Variants in RAD18 observed in about 807,000 individuals in gnomAD.
RAD18 encodes the protein RAD18 E3 ubiquitin protein ligase, also known as E3 ubiquitin-protein ligase RAD18.
A neutral mutation model predicts 60.4 loss-of-function variants in RAD18; 47 were observed. The ratio of observed to expected loss-of-function variants is 0.78; its 90% CI spans 0.62 to 0.99. The LOEUF (loss-of-function observed/expected upper bound fraction) is 0.99, where lower values mean the gene tolerates loss of function less well. RAD18 is among the 50% of genes least tolerant of loss of function. RAD18 has a pLI of 0.00. For synonymous variants in RAD18, 225 were observed against 195.5 expected, an observed-to-expected ratio of 1.15 and a Z score of -1.26; for missense variants, 640 against 593.3, an observed-to-expected ratio of 1.08 and a Z score of -0.82.
chr3:8,922,815 T>G (rs550616527), intron 7 of RAD18, among the ~76,000 whole-genome samples: 34 of 152,182 alleles, frequency 2.2e-4, no homozygotes, highest in Non-Finnish European at 3.8e-4. Flanking sequence ...GGGTCTGGAG[T>G]GGACCTCTGG....
chr3:8,883,209 G>A (rs995958175), intron 12 of RAD18, among the ~76,000 whole-genome samples: 1 of 152,082 alleles, frequency 6.6e-6, no homozygotes, highest in African/African-American at 2.4e-5. Flanking sequence ...AAGAACTATG[G>A]ATAATAAATA....
chr3:8,918,929 A>C (rs1352534790), intron 7 of RAD18, among the ~76,000 whole-genome samples: 1 of 152,212 alleles, frequency 6.6e-6, no homozygotes, highest in Non-Finnish European at 1.5e-5. Flanking sequence ...TCTACACCCC[A>C]TCCAATGATG....
chr3:8,927,507 C>T (rs1338233123), intron 7 of RAD18, among the ~76,000 whole-genome samples: 1 of 152,206 alleles, frequency 6.6e-6, no homozygotes, highest in East Asian at 1.9e-4. Context: ...TGTGGCAATT[C>T]CTCAGGGATC....
Position 8,912,347 on chromosome 3 carries a change from G to C in RAD18, c.992C>G (p.Thr331Arg), listed in dbSNP as rs756750695. ...ESVMVFTKDQ[T>R]EKEIDEIHSK... Reference sequence around the variant, plus strand: ...GTGGATTTCATCTATTTCCTTTTCTGTTTGGTCCTTTGTAAAAACCATTAC... The same window carrying C: ...GTGGATTTCATCTATTTCCTTTTCTCTTTGGTCCTTTGTAAAAACCATTAC... Residue 331 changes from threonine (T) to arginine (R), a missense_variant, in exon 9 of 13, where the codon ACA (threonine) becomes AGA (arginine). Physicochemically the swap from Thr to Arg is moderately conservative, Grantham distance 71. Coordinates refer to ENST00000264926, the MANE Select transcript of RAD18 (RefSeq NM_020165.4). 1 of 1,562,374 alleles carries C rather than the reference G, an allele frequency of 6.4e-7. No individual in the cohort carries two copies. The highest frequency in any genetic ancestry group is 8.6e-7 in the Non-Finnish European group (1 of 1,157,178).
intron 7 of RAD18, among the ~76,000 whole-genome samples, chr3:8,930,278 C>T (rs1940529419): frequency 6.6e-6 from 1 of 152,256 alleles, no homozygotes; most frequent in Non-Finnish European, 1.5e-5. Context: ...ACCTTGAAAA[C>T]ATTATACTAA....
At chr3:8,920,293 A>AG (rs1381469858) in intron 7 of RAD18, among the ~76,000 whole-genome samples, 12 of 151,340 alleles carry the variant, frequency 7.9e-5, no homozygotes, top group East Asian at 1.9e-4. Flanking sequence ...AAAAAAAAAA[A>AG]AAAAAGAAAA....
At chr3:8,916,792 C>A (rs1341846021) in intron 7 of RAD18, among the ~76,000 whole-genome samples, 1 of 150,514 alleles carries the variant, frequency 6.6e-6, no homozygotes, top group Non-Finnish European at 1.5e-5. Flanking sequence ...ATCTGAAACA[C>A]AGAGAGAGAA....
chr3:8,905,289 T>C (rs1939984491), intron 9 of RAD18, among the ~76,000 whole-genome samples: 2 of 152,182 alleles, frequency 1.3e-5, no homozygotes, highest in Admixed American at 1.3e-4. Context: ...TTTGTGCCTC[T>C]CTAAGTTTAA....
intron 2 of RAD18, among the ~76,000 whole-genome samples, chr3:8,950,844 G>A (rs1940915598): frequency 2.0e-5 from 3 of 152,296 alleles, no homozygotes; most frequent in Admixed American, 1.3e-4. Flanking sequence ...AATCAAAAAG[G>A]AATGCTAGCG....
At chr3:8,929,767 G>A (rs1940518664) in intron 7 of RAD18, among the ~76,000 whole-genome samples, 2 of 152,046 alleles carry the variant, frequency 1.3e-5, no homozygotes, top group East Asian at 1.9e-4. Flanking sequence ...TCAGCCTCCT[G>A]AGTAGCTGGG....
rs1289984097 is a variant in RAD18 at position 8,877,718 on chromosome 3, G to C, written c.*3639C>G. The stretch of plus-strand genomic sequence containing the variant: ...CCTTCTGATCTACAAGCTCCATCAG[G>C]GCAGGAACTGTCTTTGTTTTGCACA... On this transcript the variant is annotated 3_prime_UTR_variant, in exon 13 of 13. Coordinates refer to ENST00000264926, the MANE Select transcript of RAD18 (RefSeq NM_020165.4). The C allele has an allele frequency of 2.0e-5, 3 of 152,164 alleles. No homozygotes were observed. Among genetic ancestry groups the C allele is most frequent in the African/African-American group, 7.2e-5 (3 of 41,400 alleles). 9.4% of individuals were successfully genotyped at this position (152,164 alleles called of 1,614,324 possible).
intron 7 of RAD18, among the ~76,000 whole-genome samples, chr3:8,915,614 C>T (rs1317560284): frequency 2.0e-5 from 3 of 148,970 alleles, no homozygotes; most frequent in Non-Finnish European, 3.0e-5. Flanking sequence ...GACTGAGTCT[C>T]GCTCTGTCAC....
In RAD18 at chr3:8,896,449, A is replaced by G. The variant is rs539972981; in HGVS notation, c.1322+2445T>C. On this transcript the variant is annotated intron_variant, in intron 11 of 12. Transcript: ENST00000264926. ...GCAAAAAAAAGCAGAAGAAAGCATT[A>G]TATCTGAATTCAGAAAACTGGCTTT... 2.0e-5 allele frequency among the ~76,000 whole-genome samples: 3 copies of G among 152,326 alleles called. No individual in the cohort carries two copies. The South Asian group carries it at 6.2e-4, about 32-fold the overall frequency.
chr3:8,957,335 A>G (rs1200256978), intron 2 of RAD18, among the ~76,000 whole-genome samples: 2 of 152,194 alleles, frequency 1.3e-5, no homozygotes, highest in South Asian at 2.1e-4. Flanking sequence ...TAAGTTATAC[A>G]TGGAAATGCA....
chr3:8,898,381 C>CGTGTGTGTGT lies in RAD18; in HGVS notation c.1322+503_1322+512dup, dbSNP rs59853617. Among the ~76,000 whole-genome samples, 446 of 148,450 alleles carry CGTGTGTGTGT rather than the reference C, an allele frequency of 3.0e-3. 2 individuals carry two copies. Among genetic ancestry groups the CGTGTGTGTGT allele is most frequent in the African/African-American group, 0.011 (438 of 40,378 alleles). On this transcript the variant is annotated intron_variant, in intron 11 of 12. Coordinates refer to ENST00000264926, the MANE Select transcript of RAD18 (RefSeq NM_020165.4). ...AAAAACTGGTATGTGTGTGTGCATG[C>CGTGTGTGTGT]GTGTGTGTGTGTGTGTGTGTGTGTG...
intron 2 of RAD18, among the ~76,000 whole-genome samples, chr3:8,958,322 T>C (rs1383365306): frequency 6.6e-6 from 1 of 152,228 alleles, no homozygotes; most frequent in Non-Finnish European, 1.5e-5. Context: ...ATAAACTGTA[T>C]GTCTAGCTCC....
At chr3:8,892,548 C>A (rs1939710089) in intron 11 of RAD18, among the ~76,000 whole-genome samples, 1 of 152,098 alleles carries the variant, frequency 6.6e-6, no homozygotes, top group African/African-American at 2.4e-5. Context: ...ATTTTCAGGT[C>A]AAAGTTGCAG....
At chr3:8,897,786 C>G (rs1207753274) in intron 11 of RAD18, among the ~76,000 whole-genome samples, 1 of 152,086 alleles carries the variant, frequency 6.6e-6, no homozygotes, top group Non-Finnish European at 1.5e-5. Context: ...AGATAAGTGG[C>G]CAGGTACGGT....
At chr3:8,889,912 C>T (rs1375932340) in intron 12 of RAD18, among the ~76,000 whole-genome samples, 1 of 152,196 alleles carries the variant, frequency 6.6e-6, no homozygotes, top group African/African-American at 2.4e-5. Context: ...CATGTTTTTA[C>T]TGTACCTTTT....
Sources: allele counts gnomAD v4.1 joint callset (sites outside exome capture counted in the v4.1 genomes callset), GRCh38; gene constraint gnomAD v4.1.1; transcripts MANE v1.5; gene names NCBI Gene and HGNC (gene_info 2026-07-23, HGNC 2026-07-21).